The following DNAAF9 variants were observed in gnomAD, a reference collection of about 807,000 sequenced individuals.
DNAAF9 encodes the protein shulin.
A neutral mutation model predicts 167.0 loss-of-function variants in DNAAF9; 90 were observed. That is an observed-to-expected ratio of 0.54 (90% confidence interval 0.45 to 0.64). The LOEUF is 0.64. Ranked by LOEUF, DNAAF9 falls within the 30% of genes least tolerant of loss-of-function variation. The probability of loss-of-function intolerance (pLI) is 0.00; values close to 1 mark genes in which losing one functional copy is unlikely to be tolerated. For missense variants in DNAAF9, 1,315 were observed against 1,442.2 expected (o/e 0.91, Z 1.43); for synonymous variants, 491 against 508.8 (o/e 0.96, Z 0.47).
intron 20 of DNAAF9, among the ~76,000 whole-genome samples, chr20:3,311,549 C>A (rs2069413617): frequency 6.6e-6 from 1 of 152,150 alleles, no homozygotes; most frequent in African/African-American, 2.4e-5. Context: ...CTGCACCTAG[C>A]ACAAAAACTA....
chr20:3,322,366 G>A (rs1043124895), intron 15 of DNAAF9, 104 bp from the exon 16 acceptor site: 18 of 930,816 alleles, frequency 1.9e-5, no homozygotes, highest in African/African-American at 4.9e-5. Context: ...TCATAGATTC[G>A]GATTGCTCTT....
chr20:3,330,917 G>A (rs2069816249), intron 11 of DNAAF9, among the ~76,000 whole-genome samples: 1 of 151,404 alleles, frequency 6.6e-6, no homozygotes, highest in South Asian at 2.1e-4. Context: ...TCAGCCTCCT[G>A]AGTAGCTGGG....
chr20:3,353,770 A>G (rs1026239262), intron 7 of DNAAF9, among the ~76,000 whole-genome samples: 6 of 151,814 alleles, frequency 4.0e-5, no homozygotes, highest in Non-Finnish European at 7.4e-5. Flanking sequence ...TGGGTCTATG[A>G]CAGGAAGCAG....
chr20:3,350,140 G>GACACAC lies in DNAAF9; in HGVS notation c.691-1523_691-1518dup, dbSNP rs1491384105. ...AGACTATCAGACACACAGACACACA[G>GACACAC]ACACACAGACACACAGACACACACA... is the stretch of plus-strand genomic sequence containing the variant. On this transcript the variant is annotated intron_variant, in intron 7 of 36. Transcript: ENST00000252032. Among the ~76,000 whole-genome samples, 307 of 115,710 alleles carry GACACAC rather than the reference G, an allele frequency of 2.7e-3. 3 individuals carry two copies. Among genetic ancestry groups the GACACAC allele is most frequent in the East Asian group, 0.015 (63 of 4,182 alleles). 75.9% of individuals were successfully genotyped at this position (115,710 alleles called of 152,430 possible).
At chr20:3,297,971 A>T in intron 22 of DNAAF9, 58 bp downstream of exon 22, 2 of 1,386,096 alleles carry the variant, frequency 1.4e-6, no homozygotes, top group South Asian at 1.2e-5. Context: ...CTTACCATTT[A>T]AATTGCTAGG....
rs534674153 is a variant in DNAAF9 at position 3,399,333 on chromosome 20, C to T, written c.83+8142G>A. Among the ~76,000 whole-genome samples, 35 of 152,160 alleles carry T rather than the reference C, an allele frequency of 2.3e-4. No homozygotes were observed. The East Asian group carries it at 5.4e-3, about 24-fold the overall frequency. On this transcript the variant is annotated intron_variant, in intron 1 of 36. Transcript: ENST00000252032. ...CAAGCAATTCTCCTGCCTCAGCCTC[C>T]GGAGTAGCTGGAGTTACAGGCACCT...
At chr20:3,367,823 GAC>G (rs1255915554) in intron 6 of DNAAF9, among the ~76,000 whole-genome samples, 2 of 150,516 alleles carry the variant, frequency 1.3e-5, no homozygotes, top group Admixed American at 6.6e-5. Flanking sequence ...ACCAAAATGC[GAC>G]ACAGAGACAC....
At chr20:3,342,134 C>A (rs1022677339) in intron 9 of DNAAF9, among the ~76,000 whole-genome samples, 100 of 152,292 alleles carry the variant, frequency 6.6e-4, no homozygotes, top group African/African-American at 2.3e-3. Context: ...CTTGTATGAT[C>A]TGGTGAACTT....
At chr20:3,262,667 GCA>G (rs1187082105) in intron 31 of DNAAF9, among the ~76,000 whole-genome samples, 1 of 152,162 alleles carries the variant, frequency 6.6e-6, no homozygotes, top group Non-Finnish European at 1.5e-5. Flanking sequence ...CTGGAGAACA[GCA>G]CTTCTCTAGG....
intron 3 of DNAAF9, among the ~76,000 whole-genome samples, chr20:3,378,878 A>C (rs1258328403): frequency 1.4e-5 from 2 of 147,618 alleles, no homozygotes; most frequent in Non-Finnish European, 3.1e-5. Context: ...CCATGCCTGT[A>C]AGGCCCAGGG....
In DNAAF9 at chr20:3,270,565, G is replaced by C. The variant is rs1815581510; in HGVS notation, c.2651-3C>G. ...GAATACCACGTTACTCACCAGGCCT[G>C]GGAATAAAACCAAGGACAGTTTAGC... On this transcript the variant is annotated splice_region_variant and splice_polypyrimidine_tract_variant and intron_variant, in intron 29 of 36. Transcript: ENST00000252032. 1 of 1,612,022 alleles carries C rather than the reference G, an allele frequency of 6.2e-7. No homozygotes were observed. Among genetic ancestry groups the C allele is most frequent in the Non-Finnish European group, 8.5e-7 (1 of 1,179,492 alleles).
intron 7 of DNAAF9, among the ~76,000 whole-genome samples, chr20:3,349,849 T>C (rs989757400): frequency 1.2e-4 from 18 of 152,180 alleles, no homozygotes; most frequent in African/African-American, 4.3e-4. Context: ...TAATTTGTAC[T>C]CAAATTGGAC....
intron 16 of DNAAF9, among the ~76,000 whole-genome samples, chr20:3,320,906 T>G (rs996218937): frequency 6.6e-6 from 1 of 152,122 alleles, no homozygotes; most frequent in Non-Finnish European, 1.5e-5. Context: ...ACTCAAGATA[T>G]AACACACACC....
intron 5 of DNAAF9, among the ~76,000 whole-genome samples, chr20:3,374,392 A>G (rs1025297771): frequency 3.9e-5 from 6 of 152,262 alleles, no homozygotes; most frequent in Non-Finnish European, 8.8e-5. Context: ...AGTATATTGT[A>G]ACATTCCAGT....
chr20:3,261,588 G>C (rs1257502866), intron 31 of DNAAF9, among the ~76,000 whole-genome samples: 3 of 151,554 alleles, frequency 2.0e-5, no homozygotes, highest in Admixed American at 6.6e-5. Context: ...GGCTGGTCTT[G>C]AACTCCTGAC....
chr20:3,283,938 T>C lies in DNAAF9; in HGVS notation c.2487-2172A>G, dbSNP rs1346202424. On this transcript the variant is annotated intron_variant, in intron 27 of 36. Transcript: ENST00000252032. Reference sequence around the variant, plus strand: ...TTCAGAGCATTTCATTAATTTCCATTGACTTTAATGGAAAAAGGTTAGAGT... The same window carrying C: ...TTCAGAGCATTTCATTAATTTCCATCGACTTTAATGGAAAAAGGTTAGAGT... Among the ~76,000 whole-genome samples the C allele has an allele frequency of 3.9e-5, 6 of 152,090 alleles. No homozygotes were observed. The East Asian group carries it at 9.7e-4, about 24-fold the overall frequency.
At chr20:3,281,612 T>C (rs781467434) in intron 28 of DNAAF9, 29 bp downstream of exon 28, 1 of 1,556,628 alleles carries the variant, frequency 6.4e-7, no homozygotes, top group Non-Finnish European at 8.7e-7. Context: ...TCACTTTCAG[T>C]ACACTTACAC....
At chr20:3,362,334 C>T in intron 6 of DNAAF9, 1 of 750,868 alleles carries the variant, frequency 1.3e-6, no homozygotes, top group South Asian at 1.7e-5. Context: ...TCTTGCACTG[C>T]TGTCGCTTGA....
intron 1 of DNAAF9, among the ~76,000 whole-genome samples, chr20:3,406,244 A>C (rs987096938): frequency 6.6e-6 from 1 of 152,240 alleles, no homozygotes; most frequent in South Asian, 2.1e-4. Flanking sequence ...AAGCAAACAA[A>C]CAACCCCAAA....
Sources: allele counts gnomAD v4.1 joint callset (sites outside exome capture counted in the v4.1 genomes callset), GRCh38; gene constraint gnomAD v4.1.1; transcripts MANE v1.5; gene names NCBI Gene and HGNC (gene_info 2026-07-23, HGNC 2026-07-21).